Variants in ADAM7 observed in about 807,000 individuals in gnomAD.
The protein encoded by ADAM7 is ADAM metallopeptidase domain 7.
In ADAM7, 97 loss-of-function variants were observed where a neutral mutation model predicts 102.9. That is an observed-to-expected ratio of 0.94 (90% CI 0.80 to 1.12). The LOEUF (loss-of-function observed/expected upper bound fraction) is 1.12, where lower values mean the gene tolerates loss of function less well. Among genes scored for constraint, ADAM7 ranks in the 50% most tolerant of loss-of-function variants. The probability of loss-of-function intolerance (pLI) is 0.00; values close to 1 mark genes in which losing one functional copy is unlikely to be tolerated. For missense variants in ADAM7, 991 were observed against 908.7 expected (o/e 1.09, Z -1.16); for synonymous variants, 334 against 304.4 (o/e 1.10, Z -1.01).
chr8:24,491,976 C>CGCCT lies in ADAM7; in HGVS notation c.1436_1439dup (p.Pro481LeufsTer3), dbSNP rs1439159569. On this transcript the variant is annotated frameshift_variant, in exon 14 of 22. Transcript: ENST00000175238. LOFTEE classifies it high-confidence loss of function. ...TTTCCTGAGATGTGCACTGGCCACT[C>CGCCT]GCCTGCCTGTCCTAAGGACCAGTTC... is the stretch of plus-strand genomic sequence containing the variant. The CGCCT allele has an allele frequency of 1.2e-6, 2 of 1,613,784 alleles. No individual in the cohort carries two copies. The highest frequency in any genetic ancestry group is 2.7e-5 in the African/African-American group (2 of 74,906).
intron 3 of ADAM7, among the ~76,000 whole-genome samples, chr8:24,456,734 T>C (rs901765762): frequency 6.6e-6 from 1 of 152,112 alleles, no homozygotes; most frequent in African/African-American, 2.4e-5. Context: ...ACTTTTAAAA[T>C]TTAGCATACT....
At chr8:24,505,209 C>T (rs1820909488) in intron 20 of ADAM7, among the ~76,000 whole-genome samples, 1 of 151,982 alleles carries the variant, frequency 6.6e-6, no homozygotes, top group Admixed American at 6.6e-5. Context: ...GGTGGACTTC[C>T]AGAGAGATGA....
intron 8 of ADAM7, among the ~76,000 whole-genome samples, chr8:24,478,481 G>C (rs1316146247): frequency 6.6e-6 from 1 of 152,156 alleles, no homozygotes; most frequent in East Asian, 1.9e-4. Context: ...CTGAAAAGCT[G>C]TAAGCTCCCT....
intron 3 of ADAM7, among the ~76,000 whole-genome samples, chr8:24,455,060 T>A (rs1305792453): frequency 6.6e-6 from 1 of 152,142 alleles, no homozygotes; most frequent in Admixed American, 6.6e-5. Context: ...TTATATATTT[T>A]ATATATGCTA....
At chr8:24,456,261 T>C (rs1028651182) in intron 3 of ADAM7, among the ~76,000 whole-genome samples, 3 of 152,230 alleles carry the variant, frequency 2.0e-5, no homozygotes, top group African/African-American at 4.8e-5. Flanking sequence ...TCATTTGGCA[T>C]AATGTTCTCC....
intron 9 of ADAM7, among the ~76,000 whole-genome samples, chr8:24,483,040 T>G (rs539750462): frequency 1.3e-5 from 2 of 152,270 alleles, no homozygotes; most frequent in African/African-American, 4.8e-5. Flanking sequence ...GCCTACCTGG[T>G]GGCCAGCCCT....
intron 12 of ADAM7, 190 bp from the exon 13 acceptor site, chr8:24,490,609 G>A (rs956456889): frequency 8.8e-6 from 5 of 568,092 alleles, no homozygotes; most frequent in African/African-American, 3.8e-5. Context: ...CAAACAGCAC[G>A]AGAGAAGGAG....
At chr8:24,492,278 C>G in intron 14 of ADAM7, 180 bp downstream of exon 14, 1 of 701,604 alleles carries the variant, frequency 1.4e-6, no homozygotes, top group Non-Finnish European at 2.3e-6. Context: ...CTAATATTAA[C>G]TATCTCAGTA....
rs1820060240 is a variant in ADAM7 at position 24,484,301 on chromosome 8, C to A, written c.876-976C>A. ...TAAAGACTGAAAGAGGTCATCTAATCTGACCACCTATCTTGTCTTTGAGTT... is the reference window on the plus strand; with the variant it reads ...TAAAGACTGAAAGAGGTCATCTAATATGACCACCTATCTTGTCTTTGAGTT... On this transcript the variant is annotated intron_variant, in intron 9 of 21. Transcript: ENST00000175238. Among the ~76,000 whole-genome samples, 3 of 152,188 alleles carry A rather than the reference C, an allele frequency of 2.0e-5. No homozygotes were observed. In the South Asian group the frequency reaches 6.2e-4, roughly 31 times the overall value.
intron 7 of ADAM7, among the ~76,000 whole-genome samples, chr8:24,474,738 G>GA (rs907098052): frequency 6.6e-6 from 1 of 151,336 alleles, no homozygotes; most frequent in Admixed American, 6.6e-5. Context: ...AAAAAGAAAA[G>GA]AAAAAAAATA....
chr8:24,502,784 A>G (rs1421201523), intron 20 of ADAM7, among the ~76,000 whole-genome samples: 1 of 152,144 alleles, frequency 6.6e-6, no homozygotes, highest in East Asian at 1.9e-4. Flanking sequence ...GGTGAATTCT[A>G]TTTAAAAATT....
intron 7 of ADAM7, among the ~76,000 whole-genome samples, chr8:24,474,244 G>T (rs192276714): frequency 1.3e-5 from 2 of 152,166 alleles, no homozygotes; most frequent in African/African-American, 4.8e-5. Context: ...TAAGTTCTAA[G>T]CACTAAACAG....
At chr8:24,485,152 C>T in intron 9 of ADAM7, 125 bp from the exon 10 acceptor site, 1 of 842,246 alleles carries the variant, frequency 1.2e-6, no homozygotes, top group Non-Finnish European at 1.9e-6. Flanking sequence ...TTCCAAAACT[C>T]CAGAAATAAG....
intron 11 of ADAM7, among the ~76,000 whole-genome samples, chr8:24,488,784 T>A (rs1336136370): frequency 1.3e-5 from 2 of 152,128 alleles, no homozygotes; most frequent in Non-Finnish European, 1.5e-5. Context: ...TTTATTTTTT[T>A]AAAATCACAC....
rs892558732 is a variant in ADAM7, at chr8:24,468,534, G to GA, written c.580-225dup. 9.9e-5 allele frequency among the ~76,000 whole-genome samples: 15 copies of GA among 151,290 alleles called. No homozygotes were observed. In the East Asian group the frequency reaches 2.5e-3, roughly 25 times the overall value. ...AAAATTAAATTTAAAAAAAAGAAAAGAAAAAAAAGAACAAATAGAAAATAC... is the reference window on the plus strand; with the variant it reads ...AAAATTAAATTTAAAAAAAAGAAAAGAAAAAAAAAGAACAAATAGAAAATAC... On this transcript the variant is annotated intron_variant, in intron 6 of 21. Coordinates refer to ENST00000175238, the MANE Select transcript of ADAM7 (RefSeq NM_003817.4).
intron 6 of ADAM7, among the ~76,000 whole-genome samples, 197 bp from the exon 7 acceptor site, chr8:24,468,570 T>C (rs2129383159): frequency 6.6e-6 from 1 of 152,166 alleles, no homozygotes; most frequent in East Asian, 1.9e-4. Context: ...TAAAATCCGA[T>C]GTATAGGACC....
At chr8:24,464,066 C>T in intron 4 of ADAM7, 106 bp downstream of exon 4, 1 of 936,804 alleles carries the variant, frequency 1.1e-6, no homozygotes, top group Non-Finnish European at 1.6e-6. Flanking sequence ...AGTACTACAT[C>T]AGAAATAAGC....
At chr8:24,480,718 T>C (rs555837243) in intron 8 of ADAM7, among the ~76,000 whole-genome samples, 1 of 152,170 alleles carries the variant, frequency 6.6e-6, no homozygotes, top group South Asian at 2.1e-4. Flanking sequence ...TATGTAGTAC[T>C]TGATTTCTAA....
chr8:24,458,382 T>G (rs971067410), intron 3 of ADAM7, among the ~76,000 whole-genome samples: 1 of 152,210 alleles, frequency 6.6e-6, no homozygotes, highest in Non-Finnish European at 1.5e-5. Flanking sequence ...ACCTGTCTTG[T>G]TAAATTTATT....
Sources: allele counts gnomAD v4.1 joint callset (sites outside exome capture counted in the v4.1 genomes callset), GRCh38; gene constraint gnomAD v4.1.1; transcripts MANE v1.5; gene names NCBI Gene and HGNC (gene_info 2026-07-23, HGNC 2026-07-21).